The following WIPF2 variants were observed in gnomAD, a reference collection of about 807,000 sequenced individuals.
WIPF2 encodes WAS/WASL interacting protein family member 2, also known as WAS/WASL-interacting protein family member 2.
In WIPF2, 23 loss-of-function variants were observed where a neutral mutation model predicts 38.8. That is an observed-to-expected ratio of 0.59 (90% CI 0.43 to 0.84). The LOEUF (loss-of-function observed/expected upper bound fraction) is 0.84. WIPF2 is among the 40% of genes least tolerant of loss of function. The pLI is 0.00. For missense variants in WIPF2, 574 were observed against 580.5 expected (o/e 0.99, Z 0.11); for synonymous variants, 210 against 223.2 (o/e 0.94, Z 0.53).
chr17:40,224,919 A>G (rs144527692), intron 1 of WIPF2, among the ~76,000 whole-genome samples: 1 of 151,980 alleles, frequency 6.6e-6, no homozygotes, highest in Non-Finnish European at 1.5e-5. Context: ...CTCCTTCTCA[A>G]AGTAGGCTCT....
intron 1 of WIPF2, among the ~76,000 whole-genome samples, chr17:40,228,393 A>C (rs2030591803): frequency 6.6e-6 from 1 of 152,076 alleles, no homozygotes; most frequent in Non-Finnish European, 1.5e-5. Flanking sequence ...ATAGACATAC[A>C]CAGTTTCCAG....
At chr17:40,229,724 A>G (rs2030662328) in intron 1 of WIPF2, among the ~76,000 whole-genome samples, 1 of 152,186 alleles carries the variant, frequency 6.6e-6, no homozygotes, top group South Asian at 2.1e-4. Context: ...GCCTGGCCCA[A>G]AGACATTTAT....
intron 2 of WIPF2, among the ~76,000 whole-genome samples, chr17:40,260,179 CTTTTTTT>C (rs34757828): frequency 5.8e-4 from 59 of 101,062 alleles, no homozygotes; most frequent in South Asian, 5.4e-3. Flanking sequence ...ATAAAGGGAA[CTTTTTTT>C]TTTTTTTTTT....
intron 7 of WIPF2, 90 bp downstream of exon 7, chr17:40,277,274 C>G (rs997778212): frequency 4.5e-5 from 50 of 1,102,018 alleles, no homozygotes; most frequent in Non-Finnish European, 6.0e-5. Context: ...TCTCGCTGGG[C>G]ACAGTGGCTC....
At chr17:40,277,289 C>T in intron 7 of WIPF2, 105 bp downstream of exon 7, 1 of 962,126 alleles carries the variant, frequency 1.0e-6, no homozygotes. Flanking sequence ...TGGCTCATAC[C>T]TATAATCCCA....
chr17:40,254,056 A>G (rs979721624), intron 1 of WIPF2, among the ~76,000 whole-genome samples: 1 of 149,144 alleles, frequency 6.7e-6, no homozygotes, highest in Admixed American at 6.8e-5. Flanking sequence ...TCACTCTGTC[A>G]TCCAGGTTGG....
intron 5 of WIPF2, among the ~76,000 whole-genome samples, chr17:40,266,535 G>T (rs2032093548): frequency 6.6e-6 from 1 of 152,098 alleles, no homozygotes; most frequent in Admixed American, 6.6e-5. Flanking sequence ...ATTGGAGTGG[G>T]TTCAAGAATG....
At chr17:40,256,231 T>G (rs1393381768) in intron 1 of WIPF2, among the ~76,000 whole-genome samples, 160 bp from the exon 2 acceptor site, 1 of 151,804 alleles carries the variant, frequency 6.6e-6, no homozygotes, top group Non-Finnish European at 1.5e-5. Flanking sequence ...ATTAAAACAA[T>G]TGATTTAAAC....
At position 40,264,592 on chromosome 17, in the gene WIPF2, A is replaced by G. The variant is rs573490967; in HGVS notation, c.416A>G (p.Asp139Gly). 5.0e-6 allele frequency: 8 copies of G among 1,614,104 alleles called. No homozygotes were observed. In the South Asian group the frequency reaches 7.7e-5, roughly 16 times the overall value. Residue 139 changes from aspartate to glycine, a missense_variant, in exon 5 of 8, where the codon GAC becomes GGC. Coordinates refer to ENST00000323571, the MANE Select transcript of WIPF2 (RefSeq NM_133264.5). ...AASGRPQDDT[D>G]SSRASLPELP... is the part of the protein sequence containing the mutation. ...AGCGGGCGTCCTCAGGATGATACAG[A>G]CAGCAGCCGGGCCTCACTCCCAGAA... is the stretch of plus-strand genomic sequence containing the variant.
intron 2 of WIPF2, among the ~76,000 whole-genome samples, chr17:40,259,846 T>C (rs1464506856): frequency 1.3e-5 from 2 of 152,196 alleles, no homozygotes; most frequent in Non-Finnish European, 2.9e-5. Flanking sequence ...AAGGCAAATA[T>C]TGTGCTTACC....
intron 1 of WIPF2, among the ~76,000 whole-genome samples, chr17:40,254,622 A>T (rs1221184389): frequency 1.3e-5 from 2 of 152,152 alleles, no homozygotes; most frequent in African/African-American, 4.8e-5. Context: ...GATCTGATAA[A>T]TGGCTGTCAG....
At chr17:40,239,851 C>T (rs543698416) in intron 1 of WIPF2, among the ~76,000 whole-genome samples, 7 of 151,918 alleles carry the variant, frequency 4.6e-5, no homozygotes, top group Middle Eastern at 3.4e-3. Flanking sequence ...TGCCTGCCAC[C>T]GTGCCCGGCT....
At chr17:40,260,444 C>T in intron 2 of WIPF2, 91 bp from the exon 3 acceptor site, 2 of 1,512,114 alleles carry the variant, frequency 1.3e-6, no homozygotes, top group South Asian at 1.2e-5. Flanking sequence ...GCCTTGGCCT[C>T]CCAAAGTGTT....
intron 1 of WIPF2, among the ~76,000 whole-genome samples, chr17:40,232,523 A>T (rs111989329): frequency 4.0e-5 from 6 of 151,074 alleles, no homozygotes; most frequent in African/African-American, 1.5e-4. Context: ...TGCTTTTGCC[A>T]TGTTTCCCAG....
At chr17:40,223,768 G>A (rs1172955571) in intron 1 of WIPF2, among the ~76,000 whole-genome samples, 5 of 151,670 alleles carry the variant, frequency 3.3e-5, no homozygotes, top group African/African-American at 1.2e-4. Context: ...TTGTATTTTT[G>A]TAGAGACGAG....
intron 1 of WIPF2, among the ~76,000 whole-genome samples, chr17:40,234,465 C>T (rs966318193): frequency 6.6e-5 from 10 of 151,824 alleles, no homozygotes; most frequent in African/African-American, 2.2e-4. Context: ...AAAAAACAAC[C>T]GGAAATTATC....
intron 6 of WIPF2, among the ~76,000 whole-genome samples, 186 bp downstream of exon 6, chr17:40,274,185 T>C (rs557874655): frequency 7.9e-5 from 12 of 152,304 alleles, no homozygotes; most frequent in South Asian, 4.1e-4. Flanking sequence ...TATCTTGATA[T>C]GAATTCTAAG....
At chr17:40,226,440 C>G (rs1446750856) in intron 1 of WIPF2, among the ~76,000 whole-genome samples, 1 of 151,358 alleles carries the variant, frequency 6.6e-6, no homozygotes, top group African/African-American at 2.4e-5. Flanking sequence ...TGGTCTCGAA[C>G]TCCTGACCTC....
intron 1 of WIPF2, among the ~76,000 whole-genome samples, chr17:40,238,983 T>C (rs957502002): frequency 2.0e-5 from 3 of 152,108 alleles, no homozygotes; most frequent in Non-Finnish European, 2.9e-5. Context: ...TAAGTTATCC[T>C]CCTACCTCCA....
Sources: gnomAD v4.1 joint callset for allele counts (sites outside exome capture counted in the v4.1 genomes callset) on GRCh38, gnomAD v4.1.1 for gene constraint, MANE v1.5 for transcripts, NCBI Gene and HGNC (gene_info 2026-07-23, HGNC 2026-07-21) for gene names.